Variants in XPOT observed in about 807,000 individuals in gnomAD.
XPOT encodes exportin for tRNA, also known as exportin-T.
A neutral mutation model predicts 128.2 loss-of-function variants in XPOT; 34 were observed. That is an observed-to-expected ratio of 0.27 (90% CI 0.20 to 0.35). The LOEUF is 0.35. Ranked by LOEUF, XPOT falls within the 10% of genes least tolerant of loss-of-function variation. The pLI is 1.00. For missense variants in XPOT, 838 were observed against 1,125.3 expected, an observed-to-expected ratio of 0.74 and a Z score of 3.65; for synonymous variants, 348 against 394.3, an observed-to-expected ratio of 0.88 and a Z score of 1.39.
chr12:64,417,994 A>C (rs1461176933), intron 4 of XPOT, 52 bp from the exon 5 acceptor site: 2 of 1,464,102 alleles, frequency 1.4e-6, no homozygotes, highest in Admixed American at 3.9e-5. Context: ...ATTTTTTACA[A>C]CCATAGACAC....
chr12:64,410,031 C>T lies in XPOT; in HGVS notation c.-5C>T, dbSNP rs757293122. On this transcript the variant is annotated 5_prime_UTR_variant, in exon 2 of 25. Coordinates refer to ENST00000332707, the MANE Select transcript of XPOT (RefSeq NM_007235.6). ...AACCAGAAAACTACAAGTATAACAG[C>T]GAGGATGGATGAACAGGCTCTATTA... 1.2e-5 allele frequency: 19 copies of T among 1,613,320 alleles called. No individual in the cohort carries two copies. The highest frequency in any genetic ancestry group is 1.6e-4 in the Middle Eastern group (1 of 6,082).
Position 64,421,425 on chromosome 12 carries a change from C to T in XPOT, c.1034C>T (p.Ser345Phe). The T allele has an allele frequency of 1.2e-6, 2 of 1,613,868 alleles. No homozygotes were observed. The highest frequency in any genetic ancestry group is 1.3e-5 in the African/African-American group (1 of 75,004). ...LLIHEDDDIS[S>F]NIIGFCYDYL... ...ATTCATGAGGATGATGATATTTCTT[C>T]TAATATTATTGGATTTTGTTACGAT... is the stretch of plus-strand genomic sequence containing the variant. Residue 345 changes from serine to phenylalanine, a missense_variant, in exon 9 of 25, where the codon TCT (serine) becomes TTT (phenylalanine). Physicochemically the swap from Ser to Phe is radical, Grantham distance 155. Coordinates refer to ENST00000332707, the MANE Select transcript of XPOT (RefSeq NM_007235.6).
At chr12:64,422,908 A>AAC (rs1272788396) in intron 9 of XPOT, 97 bp from the exon 10 acceptor site, 3 of 1,332,202 alleles carry the variant, frequency 2.3e-6, no homozygotes, top group Non-Finnish European at 3.1e-6. Context: ...GTCTCAAAAA[A>AAC]AAAAAAAAAA....
intron 23 of XPOT, among the ~76,000 whole-genome samples, chr12:64,439,829 A>T (rs886756014): frequency 1.3e-5 from 2 of 152,226 alleles, no homozygotes; most frequent in African/African-American, 4.8e-5. Flanking sequence ...GTTTCTTGGC[A>T]TATAATTTTC....
At chr12:64,417,802 G>A (rs1167196139) in intron 4 of XPOT, among the ~76,000 whole-genome samples, 2 of 152,156 alleles carry the variant, frequency 1.3e-5, no homozygotes, top group Non-Finnish European at 1.5e-5. Flanking sequence ...TCGAAAAATT[G>A]TGTAGCCATC....
At chr12:64,406,529 C>T (rs532638322) in intron 1 of XPOT, among the ~76,000 whole-genome samples, 10 of 151,900 alleles carry the variant, frequency 6.6e-5, no homozygotes, top group East Asian at 1.9e-4. Flanking sequence ...CCACCACACC[C>T]GGCTAATTTT....
chr12:64,446,059 G>C (rs143994465), intron 24 of XPOT, among the ~76,000 whole-genome samples: 12 of 152,206 alleles, frequency 7.9e-5, no homozygotes, highest in East Asian at 1.9e-4. Context: ...GAATATTGAG[G>C]GCTTGTTTTT....
chr12:64,415,116 C>A, intron 3 of XPOT, 127 bp downstream of exon 3: 1 of 623,112 alleles, frequency 1.6e-6, no homozygotes, highest in Non-Finnish European at 2.8e-6. Context: ...TTTTGCAAAG[C>A]CATTAACATA....
chr12:64,425,629 C>A, intron 14 of XPOT, 172 bp downstream of exon 14: 1 of 993,344 alleles, frequency 1.0e-6, no homozygotes, highest in Non-Finnish European at 1.5e-6. Flanking sequence ...AGTTTGTGCC[C>A]AATTAGTCAA....
chr12:64,435,778 T>A, intron 22 of XPOT, 104 bp downstream of exon 22: 1 of 1,148,006 alleles, frequency 8.7e-7, no homozygotes, highest in Non-Finnish European at 1.2e-6. Context: ...TTGTTTTGAC[T>A]TTTTGGATGT....
intron 3 of XPOT, 145 bp downstream of exon 3, chr12:64,415,134 T>TC: frequency 1.7e-6 from 1 of 586,718 alleles, no homozygotes; most frequent in Non-Finnish European, 3.0e-6. Context: ...ATATAGTCAT[T>TC]CCATGTAGAA....
rs772131319 is a variant in XPOT at position 64,414,904 on chromosome 12, T to C, written c.61-3T>C. 17 of 1,607,072 alleles carry C rather than the reference T, an allele frequency of 1.1e-5. No homozygotes were observed. Among genetic ancestry groups the C allele is most frequent in the South Asian group, 6.6e-5 (6 of 90,896 alleles). ...TGCATTTTTTTGTTTTGCAATCTTA[T>C]AGGCCCTGGCCTATTTTGAGCAGTT... On this transcript the variant is annotated splice_region_variant and splice_polypyrimidine_tract_variant and intron_variant, in intron 2 of 24. Transcript: ENST00000332707.
chr12:64,415,436 G>GC (rs1413733923), intron 3 of XPOT, among the ~76,000 whole-genome samples: 8 of 151,806 alleles, frequency 5.3e-5, no homozygotes, highest in African/African-American at 9.7e-5. Flanking sequence ...GTGCAGTGGC[G>GC]CAATCTAGGC....
chr12:64,415,035 A>G (rs2040075293), intron 3 of XPOT, 46 bp downstream of exon 3: 1 of 1,152,708 alleles, frequency 8.7e-7, no homozygotes, highest in Non-Finnish European at 1.3e-6. Context: ...TTCTGTGGAC[A>G]TGACAGGACT....
chr12:64,414,590 A>T (rs1444553527), intron 2 of XPOT, among the ~76,000 whole-genome samples: 7 of 152,214 alleles, frequency 4.6e-5, no homozygotes, highest in African/African-American at 1.7e-4. Context: ...ATTTCTCAGT[A>T]GTATGGCACT....
chr12:64,439,461 C>A, intron 23 of XPOT, 146 bp downstream of exon 23: 1 of 703,416 alleles, frequency 1.4e-6, no homozygotes. Flanking sequence ...ATGCTTATCA[C>A]CATTTTGAAA....
intron 2 of XPOT, among the ~76,000 whole-genome samples, chr12:64,414,546 A>G (rs555869156): frequency 3.0e-4 from 45 of 152,304 alleles, no homozygotes; most frequent in Non-Finnish European, 5.3e-4. Context: ...ATTGCATATT[A>G]TAAAATGATC....
chr12:64,429,033 C>T (rs1466653490), intron 16 of XPOT, among the ~76,000 whole-genome samples: 1 of 152,166 alleles, frequency 6.6e-6, no homozygotes, highest in African/African-American at 2.4e-5. Flanking sequence ...TAAAAAACGG[C>T]AATGGGTCAC....
intron 19 of XPOT, 23 bp downstream of exon 19, chr12:64,433,626 A>G (rs1452535775): frequency 1.3e-6 from 2 of 1,568,376 alleles, no homozygotes; most frequent in Non-Finnish European, 1.7e-6. Flanking sequence ...GCCATATCTA[A>G]TTTGTCTGCT....
Sources: gnomAD v4.1 joint callset for allele counts (sites outside exome capture counted in the v4.1 genomes callset) on GRCh38, gnomAD v4.1.1 for gene constraint, MANE v1.5 for transcripts, NCBI Gene and HGNC (gene_info 2026-07-23, HGNC 2026-07-21) for gene names.